Variants in USP8 observed in about 807,000 individuals in gnomAD.
USP8 encodes ubiquitin carboxyl-terminal hydrolase 8.
USP8 carries 27 observed loss-of-function variants against 130.0 expected under a neutral mutation model. The ratio of observed to expected loss-of-function variants is 0.21; its 90% confidence interval spans 0.15 to 0.29. The LOEUF is 0.29. USP8 is among the 10% of genes least tolerant of loss of function. USP8 has a pLI of 1.00. For synonymous variants in USP8, 392 were observed against 444.1 expected (o/e 0.88, Z 1.48); for missense variants, 1,029 against 1,312.2 (o/e 0.78, Z 3.33).
rs1011781724 is a variant in USP8, at chr15:50,513,424, G to A, written c.*14336G>A. 4.0e-5 allele frequency: 6 copies of A among 151,554 alleles called. No individual in the cohort carries two copies. Among genetic ancestry groups the A allele is most frequent in the Non-Finnish European group, 7.4e-5 (5 of 67,954 alleles). The allele number at this position is 151,554 out of a possible 1,614,324, so 9.4% of individuals were successfully genotyped here. On this transcript the variant is annotated 3_prime_UTR_variant, in exon 20 of 20. Coordinates refer to ENST00000307179, the MANE Select transcript of USP8 (RefSeq NM_005154.5). ...AATATTTAATGAAAAAGTATGCTTG[G>A]CGCGGTAGCTCACACCTGTAATCCC...
chr15:50,468,830 C>A (rs1232540632), intron 7 of USP8, among the ~76,000 whole-genome samples: 2 of 152,090 alleles, frequency 1.3e-5, no homozygotes, highest in Admixed American at 1.3e-4. Context: ...GTACTCCTGT[C>A]TTAAGTGTCT....
At chr15:50,424,994 ATT>A (rs149856410) in intron 1 of USP8, among the ~76,000 whole-genome samples, 45 of 148,548 alleles carry the variant, frequency 3.0e-4, no homozygotes, top group African/African-American at 9.4e-4. Context: ...CAAATAGAAG[ATT>A]TTTTTTTTTT....
chr15:50,480,333 T>C (rs1275981763), intron 10 of USP8, among the ~76,000 whole-genome samples: 1 of 152,168 alleles, frequency 6.6e-6, no homozygotes, highest in African/African-American at 2.4e-5. Flanking sequence ...TTAGGGAAGA[T>C]TGCATTTGTT....
chr15:50,465,768 CTTAAG>C (rs2051169144), intron 7 of USP8, among the ~76,000 whole-genome samples: 1 of 152,184 alleles, frequency 6.6e-6, no homozygotes, highest in Non-Finnish European at 1.5e-5. Flanking sequence ...TTTGTGTGTG[CTTAAG>C]TTAAAAGAGT....
chr15:50,468,947 A>G (rs1429471413), intron 7 of USP8, among the ~76,000 whole-genome samples: 2 of 151,906 alleles, frequency 1.3e-5, no homozygotes, highest in Non-Finnish European at 2.9e-5. Context: ...GTAAGTTACT[A>G]CCCGTATCCC....
At chr15:50,477,228 G>A (rs1213015821) in intron 9 of USP8, 48 bp from the exon 10 acceptor site, 3 of 1,523,846 alleles carry the variant, frequency 2.0e-6, no homozygotes, top group Admixed American at 1.9e-5. Flanking sequence ...TAAGTACTGT[G>A]TATGGGGTTT....
intron 16 of USP8, among the ~76,000 whole-genome samples, chr15:50,495,493 G>GGGGT (rs1555392715): frequency 4.4e-4 from 58 of 131,006 alleles, no homozygotes; most frequent in African/African-American, 1.8e-3. Flanking sequence ...TGGAGGGGGG[G>GGGGT]GTCTCACTAT....
intron 7 of USP8, among the ~76,000 whole-genome samples, chr15:50,469,068 C>T (rs1452331628): frequency 6.6e-6 from 1 of 152,072 alleles, no homozygotes; most frequent in Non-Finnish European, 1.5e-5. Context: ...GTCTTCTATA[C>T]CCAACCTGTG....
chr15:50,435,090 G>A (rs961135040), intron 1 of USP8, among the ~76,000 whole-genome samples: 1 of 152,098 alleles, frequency 6.6e-6, no homozygotes, highest in African/African-American at 2.4e-5. Flanking sequence ...GCCAAAATAA[G>A]GCAATTGAGT....
In USP8 at chr15:50,514,121, G is replaced by A. The variant is rs1398890955; in HGVS notation, c.*15033G>A. On this transcript the variant is annotated 3_prime_UTR_variant, in exon 20 of 20. Transcript: ENST00000307179. Reference sequence around the variant, plus strand: ...TTACAATATAAACAACAATATGGATGAACATTACATAATTTTGAATGAAAG... The same window carrying A: ...TTACAATATAAACAACAATATGGATAAACATTACATAATTTTGAATGAAAG... The A allele has an allele frequency of 1.3e-5, 2 of 152,054 alleles. No individual in the cohort carries two copies. Among genetic ancestry groups the A allele is most frequent in the Non-Finnish European group, 2.9e-5 (2 of 68,018 alleles). The allele number at this position is 152,054 out of a possible 1,614,324, so 9.4% of individuals were successfully genotyped here. A position where few individuals can be genotyped will look rare whatever the true frequency, so the allele number is the denominator to read the frequency against.
chr15:50,498,798 T>C, intron 19 of USP8, 70 bp downstream of exon 19: 1 of 1,556,784 alleles, frequency 6.4e-7, no homozygotes, highest in Non-Finnish European at 8.7e-7. Context: ...AGTGGTTTCC[T>C]ACCTCATGGA....
Position 50,508,327 on chromosome 15 carries a change from A to G in USP8, c.*9239A>G, listed in dbSNP as rs374127152. 4 of 152,296 alleles carry G rather than the reference A, an allele frequency of 2.6e-5. 1 individual carries two copies. The allele number at this position is 152,296 out of a possible 1,614,324, so 9.4% of individuals were successfully genotyped here. ...GTCTTAAAAATAATACGATGCCAAG[A>G]AGAGAGTGGGTCAGTATTAAGATGA... On this transcript the variant is annotated 3_prime_UTR_variant, in exon 20 of 20. Transcript: ENST00000307179.
intron 8 of USP8, among the ~76,000 whole-genome samples, chr15:50,475,728 A>G (rs961185672): frequency 6.6e-6 from 1 of 151,848 alleles, no homozygotes; most frequent in Non-Finnish European, 1.5e-5. Context: ...TCAGCCTCCC[A>G]AGTAGCTGGG....
chr15:50,458,008 C>T (rs1181555429), intron 4 of USP8, among the ~76,000 whole-genome samples: 3 of 151,684 alleles, frequency 2.0e-5, no homozygotes, highest in African/African-American at 7.3e-5. Flanking sequence ...TTTTCCTTTA[C>T]ATCTGTTTTA....
At chr15:50,454,349 CTT>C (rs1381247999) in intron 4 of USP8, among the ~76,000 whole-genome samples, 1 of 151,966 alleles carries the variant, frequency 6.6e-6, no homozygotes, top group Non-Finnish European at 1.5e-5. Context: ...ATACGATAGA[CTT>C]TTTGATTTTG....
chr15:50,467,063 A>T, intron 7 of USP8: 1 of 576,784 alleles, frequency 1.7e-6, no homozygotes, highest in Non-Finnish European at 2.7e-6. Flanking sequence ...GTACTGAGCC[A>T]GGAGTTGAGG....
At chr15:50,483,067 A>G (rs1294915201) in intron 11 of USP8, among the ~76,000 whole-genome samples, 7 of 152,332 alleles carry the variant, frequency 4.6e-5, no homozygotes, top group Middle Eastern at 3.4e-3. Context: ...AAACATGTGC[A>G]CTCCAAGATA....
In USP8 at chr15:50,476,746, T is replaced by C. The variant is rs905717078; in HGVS notation, c.850-103T>C. 1.0e-5 allele frequency: 13 copies of C among 1,274,738 alleles called. No individual in the cohort carries two copies. In the East Asian group the frequency reaches 1.1e-4, roughly 11 times the overall value. The allele number at this position is 1,274,738 out of a possible 1,614,324, so 79.0% of individuals were successfully genotyped here. On this transcript the variant is annotated intron_variant, in intron 8 of 19. Transcript: ENST00000307179. ...TCTCATTTTGTCATTATTTAGAAGATAAATTTTGTCCTTAAGGGAACAACT... is the reference window on the plus strand; with the variant it reads ...TCTCATTTTGTCATTATTTAGAAGACAAATTTTGTCCTTAAGGGAACAACT...
At position 50,510,666 on chromosome 15, in the gene USP8, G is replaced by A; in HGVS notation, c.*11578G>A. ...AAAAAGTTAGATATACGTGTGTATA[G>A]ATGTGCACATATATATGTATAGAGA... On this transcript the variant is annotated 3_prime_UTR_variant, in exon 20 of 20. Transcript: ENST00000307179. The A allele has an allele frequency of 6.6e-6, 1 of 152,156 alleles. No homozygotes were observed. Among genetic ancestry groups the A allele is most frequent in the Non-Finnish European group, 1.5e-5 (1 of 68,036 alleles). The allele number at this position is 152,156 out of a possible 1,614,324, so 9.4% of individuals were successfully genotyped here.
Sources: allele counts gnomAD v4.1 joint callset (sites outside exome capture counted in the v4.1 genomes callset), GRCh38; gene constraint gnomAD v4.1.1; transcripts MANE v1.5; gene names NCBI Gene and HGNC (gene_info 2026-07-23, HGNC 2026-07-21).